The following NOMO3 variants were observed in gnomAD, a reference collection of about 807,000 sequenced individuals.
NOMO3 encodes NODAL modulator 3.
In NOMO3, 15 loss-of-function variants were observed where a neutral mutation model predicts 69.9. The observed-to-expected ratio is 0.21, with a 90% CI of 0.14 to 0.33. The LOEUF is 0.33. Ranked by LOEUF, NOMO3 falls within the 10% of genes least tolerant of loss-of-function variation. The pLI, the probability that NOMO3 is intolerant of heterozygous loss-of-function variation, is 1.00. For missense variants in NOMO3, 218 were observed against 761.0 expected (o/e 0.29, Z 8.39); for synonymous variants, 89 against 301.9 (o/e 0.29, Z 7.31).
rs1333101809 is a variant in NOMO3 at position 16,258,972 on chromosome 16, A to G, written c.1221-2530A>G. Among the ~76,000 whole-genome samples, 3 of 142,860 alleles carry G rather than the reference A, an allele frequency of 2.1e-5. 1 individual carries two copies. The East Asian group carries it at 6.8e-4, about 32-fold the overall frequency. The allele number at this position is 142,860 out of a possible 152,430, so 93.7% of individuals were successfully genotyped here. A position where few individuals can be genotyped will look rare whatever the true frequency, so the allele number is the denominator to read the frequency against. Reference sequence around the variant, plus strand: ...GCTGTGTGGAGAATGGATTGGAGGAAAGCCATGGTGTGAATGGAGGGGCCA... The same window carrying G: ...GCTGTGTGGAGAATGGATTGGAGGAGAGCCATGGTGTGAATGGAGGGGCCA... On this transcript the variant is annotated intron_variant, in intron 11 of 30. Transcript: ENST00000399336.
intron 4 of NOMO3, among the ~76,000 whole-genome samples, chr16:16,243,819 C>T (rs1282427627): frequency 7.0e-6 from 1 of 142,210 alleles, no homozygotes; most frequent in Non-Finnish European, 1.5e-5. Context: ...GCTGTGCACC[C>T]AGCCGCTGTT....
intron 9 of NOMO3, among the ~76,000 whole-genome samples, chr16:16,252,839 T>TC (rs1399568895): frequency 4.2e-5 from 5 of 118,736 alleles, no homozygotes; most frequent in Non-Finnish European, 8.3e-5. Flanking sequence ...TTTTTTTTTT[T>TC]TTTTTTTTTT....
At chr16:16,243,780 C>T (rs1490892862) in intron 4 of NOMO3, among the ~76,000 whole-genome samples, 5 of 141,736 alleles carry the variant, frequency 3.5e-5, no homozygotes, top group Admixed American at 6.9e-5. Context: ...CTGCCTCCAC[C>T]TCCCATAGTG....
Position 16,263,227 on chromosome 16 carries a change from C to G in NOMO3, c.1537+12C>G, listed in dbSNP as rs749597745. 1.9e-6 allele frequency: 3 copies of G among 1,594,272 alleles called. No individual in the cohort carries two copies. The Admixed American group carries it at 5.1e-5, about 27-fold the overall frequency. The stretch of plus-strand genomic sequence containing the variant: ...AGTCTCTTGTTTGGGTAAGATATCA[C>G]TGGAAAGTAAGAACACATAGTTTCA... On this transcript the variant is annotated intron_variant, in intron 13 of 30. Transcript: ENST00000399336.
In NOMO3 at chr16:16,250,276, C is replaced by G. The variant is rs1443350434; in HGVS notation, c.583-652C>G. On this transcript the variant is annotated intron_variant, in intron 6 of 30. Coordinates refer to ENST00000399336, the MANE Select transcript of NOMO3 (RefSeq NM_001004067.4). ...AAACTTAAAATATGTAAGGAGGCAG[C>G]TTTAGGCTAATCTTCAGTTAACACT... 3.4e-4 allele frequency among the ~76,000 whole-genome samples: 48 copies of G among 142,442 alleles called. 1 individual carries two copies. The highest frequency in any genetic ancestry group is 3.5e-3 in the Middle Eastern group (1 of 286). The allele number at this position is 142,442 out of a possible 152,430, so 93.4% of individuals were successfully genotyped here.
chr16:16,244,149 CCTT>C (rs1007296404), intron 4 of NOMO3, among the ~76,000 whole-genome samples: 2 of 142,010 alleles, frequency 1.4e-5, no homozygotes, highest in Admixed American at 1.4e-4. Flanking sequence ...TCCTTCCTGT[CCTT>C]CTCTTCATGA....
At position 16,255,709 on chromosome 16, in the gene NOMO3, T is replaced by G. The variant is rs375140113; in HGVS notation, c.964-11T>G. ...GCACCTTCGAGCACCTTCTTGTTCTTTGTTTTCTAGCCCGTGTTCCACGTC... is the reference window on the plus strand; with the variant it reads ...GCACCTTCGAGCACCTTCTTGTTCTGTGTTTTCTAGCCCGTGTTCCACGTC... On this transcript the variant is annotated splice_polypyrimidine_tract_variant and intron_variant, in intron 9 of 30. Transcript: ENST00000399336. 6.3e-7 allele frequency: 1 copy of G among 1,592,872 alleles called. No homozygotes were observed. The highest frequency in any genetic ancestry group is 8.5e-7 in the Non-Finnish European group (1 of 1,178,048).
At chr16:16,234,115 T>C (rs1408002257) in intron 1 of NOMO3, among the ~76,000 whole-genome samples, 2 of 152,052 alleles carry the variant, frequency 1.3e-5, no homozygotes, top group Non-Finnish European at 2.9e-5. Context: ...TGAATGAATC[T>C]ACCCACTGGC....
intron 16 of NOMO3, among the ~76,000 whole-genome samples, chr16:16,269,061 G>T (rs2049641995): frequency 1.4e-5 from 2 of 141,986 alleles, no homozygotes; most frequent in South Asian, 4.5e-4. Flanking sequence ...GAAACAATGA[G>T]CCAGCCTGTG....
intron 2 of NOMO3, among the ~76,000 whole-genome samples, chr16:16,237,873 T>A (rs1447852593): frequency 6.9e-6 from 1 of 144,490 alleles, no homozygotes; most frequent in Non-Finnish European, 1.5e-5. Context: ...TTGATGTGCA[T>A]CCTAACAGAT....
intron 3 of NOMO3, among the ~76,000 whole-genome samples, chr16:16,240,386 C>G (rs1218415778): frequency 2.1e-5 from 3 of 144,664 alleles, no homozygotes; most frequent in Non-Finnish European, 1.5e-5. Context: ...CAAGTTACTT[C>G]CCCCGTGTCA....
intron 9 of NOMO3, among the ~76,000 whole-genome samples, chr16:16,254,496 A>G (rs1567562955): frequency 7.0e-6 from 1 of 142,158 alleles, no homozygotes; most frequent in Non-Finnish European, 1.5e-5. Context: ...ATAAAAAAAT[A>G]AAAAAGAAGG....
At chr16:16,270,061 G>A in intron 16 of NOMO3, 60 bp from the exon 17 acceptor site, 1 of 1,542,404 alleles carries the variant, frequency 6.5e-7, no homozygotes, top group Non-Finnish European at 8.7e-7. Flanking sequence ...TCAGATGTCG[G>A]AATTGCTCAG....
chr16:16,235,879 C>G (rs1002492898), intron 1 of NOMO3: 2 of 440,540 alleles, frequency 4.5e-6, no homozygotes, highest in African/African-American at 4.5e-5. Context: ...ATCTGTACAA[C>G]CACATGAAAA....
chr16:16,262,745 G>A (rs1240317881), intron 12 of NOMO3, among the ~76,000 whole-genome samples: 6 of 139,484 alleles, frequency 4.3e-5, no homozygotes, highest in South Asian at 2.3e-4. Flanking sequence ...CAAGTGATCC[G>A]AAGCCGGGAA....
At position 16,257,558 on chromosome 16, in the gene NOMO3, C is replaced by T. The variant is rs1189936729; in HGVS notation, c.1220+1400C>T. Among the ~76,000 whole-genome samples the T allele has an allele frequency of 2.9e-5, 4 of 138,786 alleles. 1 individual carries two copies. The East Asian group carries it at 9.7e-4, about 34-fold the overall frequency. The allele number at this position is 138,786 out of a possible 152,430, so 91.0% of individuals were successfully genotyped here. ...ATGGTAAATCCTGAAGATTTGGCCG[C>T]AGGTGGCAGCCAGGACCTCAAATAT... On this transcript the variant is annotated intron_variant, in intron 11 of 30. Transcript: ENST00000399336.
intron 4 of NOMO3, among the ~76,000 whole-genome samples, chr16:16,244,506 ATTTACTTT>A (rs2049401037): frequency 2.1e-5 from 1 of 48,066 alleles, no homozygotes; most frequent in Non-Finnish European, 3.9e-5. Flanking sequence ...TTTTATGTAC[ATTTACTTT>A]TTTTTTTTTT....
chr16:16,237,846 G>A (rs1217965527), intron 2 of NOMO3, among the ~76,000 whole-genome samples: 1 of 144,044 alleles, frequency 6.9e-6, no homozygotes, highest in East Asian at 2.3e-4. Context: ...CGATGTTTCC[G>A]GCCCTCTTAT....
chr16:16,247,979 A>G (rs1211170061), intron 6 of NOMO3, among the ~76,000 whole-genome samples: 22 of 20,710 alleles, frequency 1.1e-3, no homozygotes, highest in Non-Finnish European at 1.4e-3. Flanking sequence ...GTCAGCAGTA[A>G]TGAATGAACC....
Sources: gnomAD v4.1 joint callset for allele counts (sites outside exome capture counted in the v4.1 genomes callset) on GRCh38, gnomAD v4.1.1 for gene constraint, MANE v1.5 for transcripts, NCBI Gene and HGNC (gene_info 2026-07-23, HGNC 2026-07-21) for gene names.